Variants in ITPR1 observed in about 807,000 individuals in gnomAD.
ITPR1 encodes the protein inositol 1,4,5-trisphosphate receptor type 1.
A neutral mutation model predicts 318.4 loss-of-function variants in ITPR1; 96 were observed. That is an observed-to-expected ratio of 0.30 (90% confidence interval 0.26 to 0.36). The LOEUF (loss-of-function observed/expected upper bound fraction) is 0.36, where lower values mean the gene tolerates loss of function less well. ITPR1 is among the 10% of genes least tolerant of loss of function. The pLI, the probability that ITPR1 is intolerant of heterozygous loss-of-function variation, is 1.00. For synonymous variants in ITPR1, 1,312 were observed against 1,289.9 expected (o/e 1.02, Z -0.37); for missense variants, 2,440 against 3,460.2 (o/e 0.71, Z 7.40).
chr3:4,570,443 A>T (rs1165486964), intron 4 of ITPR1, among the ~76,000 whole-genome samples: 2 of 152,256 alleles, frequency 1.3e-5, no homozygotes, highest in East Asian at 3.8e-4. Flanking sequence ...GTAACCACTC[A>T]TTGAAGATGA....
At chr3:4,812,998 G>A in intron 56 of ITPR1, 144 bp from the exon 57 acceptor site, 1 of 679,024 alleles carries the variant, frequency 1.5e-6, no homozygotes, top group Non-Finnish European at 2.6e-6. Flanking sequence ...AGTGTAAATT[G>A]CATTTCTGCT....
intron 35 of ITPR1, among the ~76,000 whole-genome samples, chr3:4,700,472 T>G (rs17041227): frequency 0.043 from 6,597 of 152,186 alleles, 520 homozygotes; most frequent in African/African-American, 0.15. Flanking sequence ...GAGATAAACA[T>G]GTACTGGTTG....
chr3:4,739,419 G>A (rs937055906), intron 44 of ITPR1, among the ~76,000 whole-genome samples: 5 of 152,158 alleles, frequency 3.3e-5, no homozygotes, highest in African/African-American at 1.2e-4. Flanking sequence ...AGAAAGGGGA[G>A]TTGCAGGGAA....
At chr3:4,794,678 G>A (rs946338953) in intron 52 of ITPR1, among the ~76,000 whole-genome samples, 5 of 152,126 alleles carry the variant, frequency 3.3e-5, no homozygotes, top group Non-Finnish European at 7.3e-5. Context: ...TGAATTTTTG[G>A]GTCTCTCCGG....
At chr3:4,797,201 G>T (rs553916554) in intron 53 of ITPR1, among the ~76,000 whole-genome samples, 1 of 151,692 alleles carries the variant, frequency 6.6e-6, no homozygotes, top group African/African-American at 2.4e-5. Flanking sequence ...AGCTGATACT[G>T]CCTTAAGTGC....
intron 4 of ITPR1, among the ~76,000 whole-genome samples, chr3:4,523,734 T>C (rs910219275): frequency 3.3e-5 from 5 of 152,208 alleles, no homozygotes; most frequent in African/African-American, 7.2e-5. Context: ...TCATTCATGT[T>C]GTCACAAATG....
At chr3:4,600,390 G>T (rs2091179472) in intron 4 of ITPR1, among the ~76,000 whole-genome samples, 1 of 152,138 alleles carries the variant, frequency 6.6e-6, no homozygotes, top group Non-Finnish European at 1.5e-5. Context: ...AGGTTTTGTT[G>T]TGGGTGGTCT....
intron 34 of ITPR1, 143 bp from the exon 35 acceptor site, chr3:4,699,670 T>G: frequency 1.5e-6 from 1 of 665,630 alleles, no homozygotes; most frequent in East Asian, 2.8e-5. Flanking sequence ...ATTTTATTAT[T>G]ATGATTCCTT....
intron 2 of ITPR1, among the ~76,000 whole-genome samples, chr3:4,513,940 A>C (rs1480057375): frequency 6.6e-6 from 1 of 152,158 alleles, no homozygotes; most frequent in Non-Finnish European, 1.5e-5. Flanking sequence ...ACAAACGTTT[A>C]GCCAGGCATG....
chr3:4,777,665 T>C (rs2046563341), intron 48 of ITPR1, among the ~76,000 whole-genome samples: 4 of 152,094 alleles, frequency 2.6e-5, no homozygotes, highest in Admixed American at 1.3e-4. Flanking sequence ...ACTAAATACC[T>C]TGGTTCTGAA....
chr3:4,542,565 G>C (rs1486846851), intron 4 of ITPR1, among the ~76,000 whole-genome samples: 3 of 151,932 alleles, frequency 2.0e-5, no homozygotes, highest in East Asian at 3.9e-4. Context: ...TTTGGCTCTA[G>C]GTATAAGAGA....
intron 10 of ITPR1, among the ~76,000 whole-genome samples, chr3:4,651,444 C>T (rs145925500): frequency 2.0e-5 from 3 of 152,200 alleles, no homozygotes; most frequent in African/African-American, 7.2e-5. Flanking sequence ...CCAGAGAGGA[C>T]CCTCAGGTAG....
intron 9 of ITPR1, 47 bp from the exon 10 acceptor site, chr3:4,645,535 C>G (rs2125159468): frequency 1.2e-6 from 2 of 1,608,418 alleles, no homozygotes; most frequent in Non-Finnish European, 1.7e-6. Flanking sequence ...GTCTAATTCT[C>G]TTTTTAAATT....
At chr3:4,793,729 CAA>C (rs1469365861) in intron 52 of ITPR1, among the ~76,000 whole-genome samples, 2 of 152,142 alleles carry the variant, frequency 1.3e-5, no homozygotes, top group Non-Finnish European at 2.9e-5. Flanking sequence ...ACCTGGATAA[CAA>C]GATCTCCACT....
chr3:4,825,838 C>T, intron 60 of ITPR1: 2 of 456,682 alleles, frequency 4.4e-6, no homozygotes, highest in South Asian at 3.1e-5. Flanking sequence ...GAACCAAGTG[C>T]AGGGGCTGGT....
chr3:4,557,832 A>C (rs1452139108), intron 4 of ITPR1, among the ~76,000 whole-genome samples: 1 of 152,200 alleles, frequency 6.6e-6, no homozygotes, highest in Non-Finnish European at 1.5e-5. Context: ...TTAGAGTTTC[A>C]TGTGGATGCA....
chr3:4,628,032 C>T (rs562670402), intron 5 of ITPR1, among the ~76,000 whole-genome samples, 154 bp downstream of exon 5: 6 of 152,214 alleles, frequency 3.9e-5, no homozygotes, highest in South Asian at 2.1e-4. Flanking sequence ...GGGAACCGAC[C>T]GTAGAGAGGG....
At chr3:4,565,727 G>C (rs1183490649) in intron 4 of ITPR1, among the ~76,000 whole-genome samples, 1 of 152,164 alleles carries the variant, frequency 6.6e-6, no homozygotes, top group African/African-American at 2.4e-5. Context: ...TTGAACAGCT[G>C]ACTCTATGCT....
intron 4 of ITPR1, among the ~76,000 whole-genome samples, chr3:4,625,269 A>G (rs914123040): frequency 6.6e-6 from 1 of 150,686 alleles, no homozygotes; most frequent in Non-Finnish European, 1.5e-5. Context: ...TATGCAGTAC[A>G]TAGTAACAGT....
Sources: allele counts gnomAD v4.1 joint callset (sites outside exome capture counted in the v4.1 genomes callset), GRCh38; gene constraint gnomAD v4.1.1; transcripts MANE v1.5; gene names NCBI Gene and HGNC (gene_info 2026-07-23, HGNC 2026-07-21).